RPA3: variants seen among roughly 807,000 people sequenced by gnomAD.
RPA3 encodes replication protein A 14 kDa subunit.
RPA3 carries 24 observed loss-of-function variants against 13.7 expected under a neutral mutation model. The observed-to-expected ratio is 1.75, with a 90% CI of 1.27 to 2.46. The LOEUF is 2.46. Ranked by LOEUF, RPA3 falls within the 30% of genes most tolerant of loss-of-function variation. The probability of loss-of-function intolerance (pLI) is 0.00; values close to 1 mark genes in which losing one functional copy is unlikely to be tolerated. For synonymous variants in RPA3, 59 were observed against 51.2 expected (o/e 1.15, Z -0.65); for missense variants, 183 against 151.0 (o/e 1.21, Z -1.11).
At chr7:7,690,459 T>G (rs1448143236) in intron 2 of RPA3, among the ~76,000 whole-genome samples, 5 of 152,170 alleles carry the variant, frequency 3.3e-5, no homozygotes, top group African/African-American at 1.2e-4. Flanking sequence ...AGAAGAGTTT[T>G]AAAGGTAATG....
rs763871604 is a variant in RPA3, at chr7:7,637,983, G to A, written c.175-11C>T. 6.2e-7 allele frequency: 1 copy of A among 1,601,746 alleles called. No individual in the cohort carries two copies. The highest frequency in any genetic ancestry group is 1.3e-5 in the African/African-American group (1 of 74,688). ...GATTTCTTCATCAAGCTAAGACACA[G>A]AACAAGACATCGATTTGGTGATATC... On this transcript the variant is annotated splice_polypyrimidine_tract_variant and intron_variant, in intron 6 of 7. Coordinates refer to ENST00000223129, the MANE Select transcript of RPA3 (RefSeq NM_002947.5).
At chr7:7,651,099 A>G (rs1785214298) in intron 4 of RPA3, among the ~76,000 whole-genome samples, 1 of 152,246 alleles carries the variant, frequency 6.6e-6, no homozygotes, top group Admixed American at 6.5e-5. Context: ...TAATATAGCA[A>G]ATCAGACATT....
intron 4 of RPA3, among the ~76,000 whole-genome samples, chr7:7,676,893 C>G (rs1779754760): frequency 6.6e-6 from 1 of 151,976 alleles, no homozygotes; most frequent in African/African-American, 2.4e-5. Flanking sequence ...CAGGTAAACT[C>G]TTTTTTAAAA....
chr7:7,656,359 CA>C (rs1785343124), intron 4 of RPA3, among the ~76,000 whole-genome samples: 1 of 150,890 alleles, frequency 6.6e-6, no homozygotes, highest in Non-Finnish European at 1.5e-5. Flanking sequence ...AGTACATGTA[CA>C]GAACGTGCAG....
At chr7:7,695,014 A>G (rs1780274605) in intron 2 of RPA3, among the ~76,000 whole-genome samples, 1 of 152,164 alleles carries the variant, frequency 6.6e-6, no homozygotes, top group Non-Finnish European at 1.5e-5. Flanking sequence ...ACAGTGTTTG[A>G]GAGTTCCCCT....
At chr7:7,694,717 T>C (rs1780266408) in intron 2 of RPA3, among the ~76,000 whole-genome samples, 1 of 152,234 alleles carries the variant, frequency 6.6e-6, no homozygotes, top group Admixed American at 6.5e-5. Context: ...TGACAGGATC[T>C]CATTCTTCTT....
At chr7:7,646,258 T>G (rs116367126) in intron 4 of RPA3, among the ~76,000 whole-genome samples, 1 of 152,022 alleles carries the variant, frequency 6.6e-6, no homozygotes, top group African/African-American at 2.4e-5. Flanking sequence ...GGGCATTTTA[T>G]TGAGTGATGG....
At chr7:7,670,950 C>A (rs1208953424) in intron 4 of RPA3, among the ~76,000 whole-genome samples, 1 of 152,192 alleles carries the variant, frequency 6.6e-6, no homozygotes, top group Non-Finnish European at 1.5e-5. Context: ...CCATTGTCTT[C>A]CATGCCATTG....
intron 2 of RPA3, among the ~76,000 whole-genome samples, chr7:7,700,714 C>G (rs1323787534): frequency 6.6e-5 from 10 of 152,168 alleles, no homozygotes; most frequent in African/African-American, 2.4e-5. Flanking sequence ...ATGGCAAAAC[C>G]CTGTCTCTAC....
At chr7:7,713,799 GT>G (rs1374412075) in intron 2 of RPA3, among the ~76,000 whole-genome samples, 27 of 151,882 alleles carry the variant, frequency 1.8e-4, no homozygotes, top group African/African-American at 6.5e-4. Flanking sequence ...CCATTCGTTT[GT>G]CATTTTGCAC....
At chr7:7,673,589 A>C in intron 4 of RPA3, 3 of 606,692 alleles carry the variant, frequency 4.9e-6, no homozygotes, top group Non-Finnish European at 8.7e-6. Flanking sequence ...TTAAAGCGTA[A>C]AATCTGTAAA....
chr7:7,706,230 C>A (rs1351291362), intron 2 of RPA3, among the ~76,000 whole-genome samples: 1 of 151,988 alleles, frequency 6.6e-6, no homozygotes, highest in Non-Finnish European at 1.5e-5. Context: ...CGGATAATCA[C>A]CTTCTGAGAT....
chr7:7,714,934 A>T (rs1780859470), intron 2 of RPA3, among the ~76,000 whole-genome samples: 1 of 150,394 alleles, frequency 6.6e-6, no homozygotes, highest in Non-Finnish European at 1.5e-5. Context: ...GAACAGGGGC[A>T]CTAGAATTAA....
chr7:7,673,208 G>C (rs1215434718), intron 4 of RPA3: 22 of 782,378 alleles, frequency 2.8e-5, no homozygotes, highest in Non-Finnish European at 4.6e-5. Context: ...GAATTCCTAA[G>C]AGTAACTATT....
chr7:7,697,227 T>C (rs1388144213), intron 2 of RPA3, among the ~76,000 whole-genome samples: 4 of 152,226 alleles, frequency 2.6e-5, no homozygotes, highest in Non-Finnish European at 5.9e-5. Flanking sequence ...ACAGTCCTGA[T>C]TGGCTTTCTG....
chr7:7,652,999 C>T (rs1785258095), intron 4 of RPA3, among the ~76,000 whole-genome samples: 2 of 152,202 alleles, frequency 1.3e-5, no homozygotes, highest in South Asian at 4.1e-4. Flanking sequence ...TCTTGCTCCC[C>T]AGTGCTCTAG....
At chr7:7,716,166 T>C (rs2160138) in intron 1 of RPA3, among the ~76,000 whole-genome samples, 62,154 of 151,968 alleles carry the variant, frequency 0.41, 13,201 homozygotes, top group Middle Eastern at 0.53. Context: ...GCAATCCAGC[T>C]GCAAAAATTA....
chr7:7,655,197 G>C (rs1282973856), intron 4 of RPA3, among the ~76,000 whole-genome samples: 1 of 152,016 alleles, frequency 6.6e-6, no homozygotes, highest in Non-Finnish European at 1.5e-5. Flanking sequence ...ATGGCAGACA[G>C]AGCCAGCCAT....
intron 2 of RPA3, among the ~76,000 whole-genome samples, chr7:7,703,947 G>A (rs114869679): frequency 2.1e-3 from 317 of 151,988 alleles, no homozygotes; most frequent in African/African-American, 7.4e-3. Context: ...CTTAACAAAG[G>A]AAAGAAAGAA....
Sources: allele counts gnomAD v4.1 joint callset (sites outside exome capture counted in the v4.1 genomes callset), GRCh38; gene constraint gnomAD v4.1.1; transcripts MANE v1.5; gene names NCBI Gene and HGNC (gene_info 2026-07-23, HGNC 2026-07-21).